RIC3: variants seen among roughly 807,000 people sequenced by gnomAD.
The protein encoded by RIC3 is RIC3 acetylcholine receptor chaperone.
Under a neutral mutation model 27.3 loss-of-function variants are expected in RIC3, and 28 were observed. That is an observed-to-expected ratio of 1.02 (90% CI 0.76 to 1.41). RIC3 has a LOEUF of 1.41. Among genes scored for constraint, RIC3 ranks in the 40% most tolerant of loss-of-function variants. RIC3 has a pLI of 0.00. For missense variants in RIC3, 501 were observed against 444.7 expected (o/e 1.13, Z -1.14); for synonymous variants, 184 against 160.4 (o/e 1.15, Z -1.11).
At chr11:8,103,724 C>G (rs1221324703), downstream of RIC3, 1 of 152,638 alleles carries the variant, frequency 6.6e-6, no homozygotes, top group Non-Finnish European at 1.5e-5. Context: ...GAGAAGAGAT[C>G]TTCATGGTGA....
downstream of RIC3, chr11:8,104,201 C>T (rs1944426299): frequency 6.6e-6 from 1 of 152,232 alleles, no homozygotes; most frequent in African/African-American, 2.4e-5. Context: ...GATGGATGGT[C>T]TTTGGGCAGG....
chr11:8,138,861 C>G lies in RIC3; in HGVS notation c.352-514G>C, dbSNP rs141743465. On this transcript the variant is annotated intron_variant, in intron 2 of 5. Coordinates refer to ENST00000309737, the MANE Select transcript of RIC3 (RefSeq NM_001206671.4). The stretch of plus-strand genomic sequence containing the variant: ...TTCCTTTGTTCTCCTCTGCCTTTGC[C>G]TCTTTTAAAAAGTTCTAAGTCGCTA... 407 of 208,810 alleles carry G rather than the reference C, an allele frequency of 1.9e-3. 2 individuals are homozygous for G. The highest frequency in any genetic ancestry group is 9.3e-3 in the African/African-American group (393 of 42,248). The allele number at this position is 208,810 out of a possible 1,614,324, so 12.9% of individuals were successfully genotyped here.
intron 4 of RIC3, chr11:8,135,856 G>C (rs375008665): frequency 6.6e-5 from 10 of 152,214 alleles, no homozygotes; most frequent in African/African-American, 2.4e-4. Context: ...TACAGGGTTA[G>C]GGCAGAAAAG....
intron 4 of RIC3, among the ~76,000 whole-genome samples, chr11:8,131,843 G>A (rs1246289811): frequency 7.3e-6 from 1 of 136,422 alleles, no homozygotes; most frequent in Non-Finnish European, 1.5e-5. Flanking sequence ...GGAGGTTGCA[G>A]TGACCTGAGA....
At chr11:8,159,471 A>G (rs1950984071) in intron 1 of RIC3, among the ~76,000 whole-genome samples, 1 of 152,266 alleles carries the variant, frequency 6.6e-6, no homozygotes, top group African/African-American at 2.4e-5. Context: ...ATGTGAGTTG[A>G]CTTAAGCTTC....
rs1944865797 is a variant in RIC3, at chr11:8,108,037, TA to T, written c.*2660del. ...AATCCAAAAAGAATTTTCTAAATCC[TA>T]AATAACTGAAAGGTACATCCAAATG... On this transcript the variant is annotated 3_prime_UTR_variant, in exon 6 of 6. Transcript: ENST00000309737. 6.6e-6 allele frequency: 1 copy of T among 152,204 alleles called. No homozygotes were observed. The highest frequency in any genetic ancestry group is 2.1e-4 in the South Asian group (1 of 4,834). 9.4% of individuals were successfully genotyped at this position (152,204 alleles called of 1,614,324 possible).
intron 1 of RIC3, among the ~76,000 whole-genome samples, chr11:8,154,157 C>A (rs980419388): frequency 6.6e-6 from 1 of 151,962 alleles, no homozygotes; most frequent in Admixed American, 6.6e-5. Flanking sequence ...TAAAAGTATA[C>A]ATACTTTATG....
At chr11:8,145,922 C>T (rs538902927) in intron 1 of RIC3, among the ~76,000 whole-genome samples, 2 of 152,220 alleles carry the variant, frequency 1.3e-5, no homozygotes, top group African/African-American at 2.4e-5. Flanking sequence ...GGCATGAATC[C>T]TCATGCACTG....
In RIC3 at chr11:8,107,167, T is replaced by C. The variant is rs1448364206; in HGVS notation, c.*3531A>G. The C allele has an allele frequency of 6.6e-6, 1 of 152,220 alleles. No homozygotes were observed. Among genetic ancestry groups the C allele is most frequent in the South Asian group, 2.1e-4 (1 of 4,822 alleles). The allele number at this position is 152,220 out of a possible 1,614,324, so 9.4% of individuals were successfully genotyped here. ...AAAGTCAATGGTCAAGGCAAAGTCA[T>C]AAATGTGTTCATGTTTTTTCTCAAT... On this transcript the variant is annotated 3_prime_UTR_variant, in exon 6 of 6. Coordinates refer to ENST00000309737, the MANE Select transcript of RIC3 (RefSeq NM_001206671.4).
intron 1 of RIC3, among the ~76,000 whole-genome samples, chr11:8,153,741 T>C (rs1950438762): frequency 6.6e-6 from 1 of 152,208 alleles, no homozygotes; most frequent in South Asian, 2.1e-4. Context: ...CTCTTATTTC[T>C]TAATACAATC....
intron 1 of RIC3, among the ~76,000 whole-genome samples, chr11:8,163,030 CACACACACACACACACACACAT>C (rs1275969987): frequency 4.1e-5 from 6 of 144,768 alleles, no homozygotes; most frequent in Admixed American, 3.5e-4. Flanking sequence ...CACACACACA[CACACACACACACACACACACAT>C]ACACACACAC....
At chr11:8,127,244 C>T (rs1416045365) in intron 4 of RIC3, among the ~76,000 whole-genome samples, 8 of 152,056 alleles carry the variant, frequency 5.3e-5, no homozygotes, top group South Asian at 2.1e-4. Context: ...TAGCATCAAC[C>T]GGGGAAAATT....
At chr11:8,101,959 A>G (rs1944326989), downstream of RIC3, 2 of 308,048 alleles carry the variant, frequency 6.5e-6, no homozygotes, top group Admixed American at 9.0e-5. Context: ...CAAGAGGCAT[A>G]GAGGGAGAGG....
chr11:8,124,851 G>C (rs1946829000), intron 5 of RIC3, among the ~76,000 whole-genome samples: 1 of 152,140 alleles, frequency 6.6e-6, no homozygotes, highest in Non-Finnish European at 1.5e-5. Context: ...ATCTATAAAG[G>C]TTAACTCAAA....
intron 1 of RIC3, among the ~76,000 whole-genome samples, chr11:8,156,202 G>C (rs1474967131): frequency 6.6e-6 from 1 of 152,176 alleles, no homozygotes; most frequent in Non-Finnish European, 1.5e-5. Context: ...AACTGGTCTT[G>C]CCAGTTCTCT....
chr11:8,163,994 A>G (rs1347788920), intron 1 of RIC3, among the ~76,000 whole-genome samples: 2 of 152,212 alleles, frequency 1.3e-5, no homozygotes, highest in Admixed American at 6.5e-5. Context: ...CTGGCTAAGG[A>G]TAAGTATACA....
intron 1 of RIC3, among the ~76,000 whole-genome samples, chr11:8,156,297 G>C (rs1173523375): frequency 7.9e-5 from 12 of 152,188 alleles, no homozygotes; most frequent in Admixed American, 7.9e-4. Flanking sequence ...TGGAATGAGT[G>C]CCACCTTTTC....
At chr11:8,167,605 A>G (rs1951813854) in intron 1 of RIC3, among the ~76,000 whole-genome samples, 1 of 150,536 alleles carries the variant, frequency 6.6e-6, no homozygotes, top group Non-Finnish European at 1.5e-5. Flanking sequence ...CACAGTCAAT[A>G]GTACTTGTTC....
At chr11:8,131,618 G>C (rs945418346) in intron 4 of RIC3, among the ~76,000 whole-genome samples, 2 of 151,878 alleles carry the variant, frequency 1.3e-5, no homozygotes, top group Non-Finnish European at 2.9e-5. Context: ...AAGTGAATAG[G>C]GGCCAGGTGC....
Sources: gnomAD v4.1 joint callset for allele counts (sites outside exome capture counted in the v4.1 genomes callset) on GRCh38, gnomAD v4.1.1 for gene constraint, MANE v1.5 for transcripts, NCBI Gene and HGNC (gene_info 2026-07-23, HGNC 2026-07-21) for gene names.